Variants in NLGN1 observed in about 807,000 individuals in gnomAD.
The protein encoded by NLGN1 is neuroligin 1.
In NLGN1, 12 loss-of-function variants were observed where a neutral mutation model predicts 65.5. The observed-to-expected ratio is 0.18, with a 90% CI of 0.12 to 0.30. NLGN1 has a LOEUF of 0.30. Among genes scored for constraint, NLGN1 ranks in the 10% least tolerant of loss-of-function variants. The pLI is 1.00. For missense variants in NLGN1, 750 were observed against 1,007.1 expected, an observed-to-expected ratio of 0.74 and a Z score of 3.46; for synonymous variants, 350 against 359.5, an observed-to-expected ratio of 0.97 and a Z score of 0.30.
chr3:173,745,811 A>G (rs1181390189), intron 3 of NLGN1, among the ~76,000 whole-genome samples: 1 of 152,060 alleles, frequency 6.6e-6, no homozygotes, highest in East Asian at 1.9e-4. Context: ...CTTTGTCTTT[A>G]TTTTGACAAA....
At chr3:173,691,515 G>A (rs1384140001) in intron 3 of NLGN1, among the ~76,000 whole-genome samples, 1 of 152,060 alleles carries the variant, frequency 6.6e-6, no homozygotes, top group Non-Finnish European at 1.5e-5. Flanking sequence ...TTATGTTTTT[G>A]TGTACTCCAT....
At chr3:173,919,144 CCTTAA>C (rs945306541) in intron 4 of NLGN1, among the ~76,000 whole-genome samples, 25 of 149,312 alleles carry the variant, frequency 1.7e-4, no homozygotes, top group Admixed American at 1.1e-3. Context: ...ATCTCAAGAT[CCTTAA>C]CTTAATCATA....
At chr3:174,197,518 C>CAAAAAAAAAAAAAAAA (rs10663769) in intron 4 of NLGN1, among the ~76,000 whole-genome samples, 2 of 100,396 alleles carry the variant, frequency 2.0e-5, no homozygotes, top group African/African-American at 4.2e-5. Flanking sequence ...TACTTAACCT[C>CAAAAAAAAAAAAAAAA]AAAAAAAAAA....
rs143103332 is a variant in NLGN1, at chr3:174,076,724, AGTGTGT to A, written c.647-198558_647-198553del. Among the ~76,000 whole-genome samples the A allele has an allele frequency of 3.7e-3, 306 of 82,024 alleles. 1 individual carries two copies. The highest frequency in any genetic ancestry group is 0.011 in the African/African-American group (210 of 18,930). 53.8% of individuals were successfully genotyped at this position (82,024 alleles called of 152,430 possible). ...GAGAGAGAGAGAGAGAGAGAGAGAG[AGTGTGT>A]GTGTGTGTGTGTGTGTGTGTGTGTG... On this transcript the variant is annotated intron_variant, in intron 4 of 6. Coordinates refer to ENST00000457714, the Ensembl canonical transcript of NLGN1.
chr3:173,798,162 C>T (rs975878102), intron 3 of NLGN1, among the ~76,000 whole-genome samples: 5 of 152,008 alleles, frequency 3.3e-5, no homozygotes, highest in African/African-American at 1.2e-4. Flanking sequence ...AAAATTTGAG[C>T]TCACATTAAT....
chr3:173,794,145 T>TCAG (rs772203326), intron 3 of NLGN1, among the ~76,000 whole-genome samples: 100 of 152,240 alleles, frequency 6.6e-4, no homozygotes, highest in Non-Finnish European at 1.3e-3. Context: ...TACTCATCTT[T>TCAG]CAGCCCTCAG....
chr3:173,618,966 C>T (rs1319694258), intron 3 of NLGN1, among the ~76,000 whole-genome samples: 1 of 152,130 alleles, frequency 6.6e-6, no homozygotes, highest in African/African-American at 2.4e-5. Context: ...TGCAGTCCGG[C>T]TGATCCCTGA....
At chr3:173,509,542 A>G (rs1732583061) in intron 2 of NLGN1, among the ~76,000 whole-genome samples, 1 of 152,122 alleles carries the variant, frequency 6.6e-6, no homozygotes, top group African/African-American at 2.4e-5. Flanking sequence ...GAGCTTGGGA[A>G]GTTGAAGCTC....
At chr3:173,976,392 G>T (rs1015052898) in intron 4 of NLGN1, among the ~76,000 whole-genome samples, 2 of 152,086 alleles carry the variant, frequency 1.3e-5, no homozygotes, top group East Asian at 1.9e-4. Context: ...GCCTAATTGC[G>T]TGTAAAACTC....
intron 4 of NLGN1, among the ~76,000 whole-genome samples, chr3:174,007,459 C>T (rs1315872866): frequency 2.0e-5 from 3 of 152,184 alleles, no homozygotes; most frequent in Non-Finnish European, 4.4e-5. Context: ...AAACAGTCTT[C>T]TCAAAACCAC....
chr3:173,919,946 G>A (rs2152258550), intron 4 of NLGN1, among the ~76,000 whole-genome samples: 1 of 152,068 alleles, frequency 6.6e-6, no homozygotes, highest in East Asian at 1.9e-4. Context: ...GAAGAGCTTT[G>A]TACTTAATTT....
intron 4 of NLGN1, among the ~76,000 whole-genome samples, chr3:174,012,822 C>A (rs1404038479): frequency 2.0e-5 from 3 of 152,098 alleles, no homozygotes; most frequent in Non-Finnish European, 2.9e-5. Flanking sequence ...TTATAGATAC[C>A]AGTTTCAAGT....
chr3:173,725,039 G>C (rs544656261), intron 3 of NLGN1, among the ~76,000 whole-genome samples: 3 of 152,092 alleles, frequency 2.0e-5, no homozygotes, highest in African/African-American at 7.2e-5. Flanking sequence ...TTGTGGGGTG[G>C]GGGAGGGATA....
At chr3:173,781,127 A>G (rs1221885183) in intron 3 of NLGN1, among the ~76,000 whole-genome samples, 3 of 78,510 alleles carry the variant, frequency 3.8e-5, no homozygotes, top group Non-Finnish European at 8.1e-5. Context: ...CCTGGGCTAC[A>G]GAGCGAGACT....
At chr3:173,641,762 G>T (rs1000153465) in intron 3 of NLGN1, among the ~76,000 whole-genome samples, 1 of 152,196 alleles carries the variant, frequency 6.6e-6, no homozygotes, top group African/African-American at 2.4e-5. Flanking sequence ...CATTGACCTA[G>T]ATTAGAAGTG....
chr3:174,273,266 G>GTATT (rs1239258563), intron 4 of NLGN1, among the ~76,000 whole-genome samples: 1 of 149,308 alleles, frequency 6.7e-6, no homozygotes, highest in African/African-American at 2.5e-5. Context: ...CATAACAAGA[G>GTATT]TATTATGTTC....
At chr3:173,437,845 T>C (rs563979084) in intron 2 of NLGN1, among the ~76,000 whole-genome samples, 16 of 151,964 alleles carry the variant, frequency 1.1e-4, no homozygotes, top group Middle Eastern at 3.4e-3. Flanking sequence ...CAGACAAAGG[T>C]CTGCTATCTT....
intron 4 of NLGN1, among the ~76,000 whole-genome samples, chr3:174,196,995 T>C (rs566743560): frequency 6.6e-6 from 1 of 151,374 alleles, no homozygotes; most frequent in Non-Finnish European, 1.5e-5. Context: ...TTTCAATAAA[T>C]ATTTAATTTT....
At chr3:173,516,304 A>G (rs1523346) in intron 2 of NLGN1, among the ~76,000 whole-genome samples, 188 of 152,156 alleles carry the variant, frequency 1.2e-3, no homozygotes, top group African/African-American at 4.2e-3. Context: ...TGAAATCAAT[A>G]TGTCTAATCC....
Sources: gnomAD v4.1 joint callset for allele counts (sites outside exome capture counted in the v4.1 genomes callset) on GRCh38, gnomAD v4.1.1 for gene constraint, MANE v1.5 for transcripts, NCBI Gene and HGNC (gene_info 2026-07-23, HGNC 2026-07-21) for gene names.